SPAG16: variants seen among roughly 807,000 people sequenced by gnomAD.
SPAG16 encodes sperm-associated antigen 16 protein.
A neutral mutation model predicts 80.4 loss-of-function variants in SPAG16; 86 were observed. The ratio of observed to expected loss-of-function variants is 1.07; its 90% CI spans 0.90 to 1.28. The LOEUF (loss-of-function observed/expected upper bound fraction) is 1.28, where lower values mean the gene tolerates loss of function less well. SPAG16 is among the 50% of genes most tolerant of loss of function. SPAG16 has a pLI of 0.00. For missense variants in SPAG16, 870 were observed against 765.3 expected (o/e 1.14, Z -1.61); for synonymous variants, 294 against 265.9 (o/e 1.11, Z -1.03).
intron 9 of SPAG16, among the ~76,000 whole-genome samples, chr2:213,451,134 G>GTCTA (rs767390016): frequency 6.6e-6 from 1 of 152,080 alleles, no homozygotes; most frequent in Non-Finnish European, 1.5e-5. Flanking sequence ...TATCCACATT[G>GTCTA]TGAAGCACTT....
chr2:213,925,206 C>G (rs981293750), intron 11 of SPAG16, among the ~76,000 whole-genome samples: 1 of 152,006 alleles, frequency 6.6e-6, no homozygotes, highest in Middle Eastern at 3.2e-3. Context: ...ACAAATATTT[C>G]TATATACTTA....
intron 15 of SPAG16, among the ~76,000 whole-genome samples, chr2:214,309,723 C>A (rs1695154679): frequency 6.6e-6 from 1 of 152,088 alleles, no homozygotes; most frequent in South Asian, 2.1e-4. Context: ...TTCTATTGGG[C>A]CCCAACTTTG....
intron 6 of SPAG16, among the ~76,000 whole-genome samples, chr2:213,344,650 A>G (rs1250659985): frequency 1.3e-5 from 2 of 151,854 alleles, no homozygotes; most frequent in East Asian, 3.9e-4. Flanking sequence ...TGTCCTTGCA[A>G]TAGTTTGCTG....
chr2:213,687,437 G>A (rs1574814211), intron 10 of SPAG16, among the ~76,000 whole-genome samples: 1 of 152,116 alleles, frequency 6.6e-6, no homozygotes, highest in African/African-American at 2.4e-5. Flanking sequence ...GACATTTCTT[G>A]TAGTGTGGGG....
chr2:213,431,838 C>A lies in SPAG16; in HGVS notation c.942+56719C>A, dbSNP rs143394221. The stretch of plus-strand genomic sequence containing the variant: ...GCATGCAGCATTCTCCAAGATAGAC[C>A]ATATGTTAGGCCACAAAACAAGTCT... On this transcript the variant is annotated intron_variant, in intron 9 of 15. Transcript: ENST00000331683. Among the ~76,000 whole-genome samples, 82 of 151,924 alleles carry A rather than the reference C, an allele frequency of 5.4e-4. No individual in the cohort carries two copies. In the East Asian group the frequency reaches 0.016, roughly 29 times the overall value.
At chr2:213,307,857 G>C (rs1191979696) in intron 3 of SPAG16, among the ~76,000 whole-genome samples, 1 of 152,084 alleles carries the variant, frequency 6.6e-6, no homozygotes, top group Non-Finnish European at 1.5e-5. Flanking sequence ...GTTGTTTCCT[G>C]ACTTTTTAAT....
intron 14 of SPAG16, among the ~76,000 whole-genome samples, chr2:214,108,593 G>A (rs2053517519): frequency 6.6e-6 from 1 of 151,928 alleles, no homozygotes. Context: ...AAAAAAATAG[G>A]TGGGCTATAG....
At chr2:213,553,849 A>G (rs1269166899) in intron 10 of SPAG16, among the ~76,000 whole-genome samples, 1 of 152,174 alleles carries the variant, frequency 6.6e-6, no homozygotes, top group East Asian at 1.9e-4. Flanking sequence ...CCTCAGGGCC[A>G]TTTTAACTCT....
chr2:214,351,388 C>G (rs938594783), intron 15 of SPAG16, among the ~76,000 whole-genome samples: 7 of 151,158 alleles, frequency 4.6e-5, no homozygotes, highest in African/African-American at 1.7e-4. Context: ...GTCTGTGTGT[C>G]TGTGTGTGTG....
chr2:214,278,162 A>C (rs1692618309), intron 15 of SPAG16, among the ~76,000 whole-genome samples: 3 of 151,984 alleles, frequency 2.0e-5, no homozygotes, highest in South Asian at 2.1e-4. Context: ...GTTTGCTAAG[A>C]CGGTTGGAAA....
intron 12 of SPAG16, among the ~76,000 whole-genome samples, chr2:213,965,496 C>T (rs1283395348): frequency 6.6e-6 from 1 of 152,164 alleles, no homozygotes; most frequent in Non-Finnish European, 1.5e-5. Context: ...ACAGTTTGCT[C>T]CAATTAACAT....
chr2:213,843,580 G>C (rs895003627), intron 10 of SPAG16, among the ~76,000 whole-genome samples: 1 of 152,210 alleles, frequency 6.6e-6, no homozygotes, highest in Non-Finnish European at 1.5e-5. Flanking sequence ...GCCGGGCGAG[G>C]TGGCTCATGC....
intron 10 of SPAG16, among the ~76,000 whole-genome samples, chr2:213,505,502 C>T (rs6435778): frequency 0.21 from 31,583 of 151,884 alleles, 4,056 homozygotes; most frequent in Middle Eastern, 0.33. Context: ...TATTTTAAAA[C>T]ATAAGTTAGT....
intron 10 of SPAG16, among the ~76,000 whole-genome samples, chr2:213,549,295 T>C (rs1172765664): frequency 6.6e-6 from 1 of 152,122 alleles, no homozygotes; most frequent in Non-Finnish European, 1.5e-5. Flanking sequence ...TTCTCTAAAA[T>C]ATTAAATTAC....
intron 12 of SPAG16, among the ~76,000 whole-genome samples, chr2:213,980,868 C>T (rs1224281904): frequency 1.3e-5 from 2 of 150,628 alleles, no homozygotes; most frequent in African/African-American, 2.4e-5. Flanking sequence ...GAGATCACAC[C>T]ACTGCACTAC....
intron 10 of SPAG16, among the ~76,000 whole-genome samples, chr2:213,764,518 AT>A (rs970079462): frequency 3.9e-5 from 6 of 152,080 alleles, no homozygotes; most frequent in Admixed American, 6.5e-5. Flanking sequence ...TATTCCACAT[AT>A]TTTTTTTAAA....
At chr2:213,681,956 G>T in intron 10 of SPAG16, among the ~76,000 whole-genome samples, 1 of 151,990 alleles carries the variant, frequency 6.6e-6, no homozygotes, top group East Asian at 1.9e-4. Flanking sequence ...CCAGATCCAG[G>T]CTCCTTTCCC....
chr2:213,577,561 T>TA (rs1444831917), intron 10 of SPAG16, among the ~76,000 whole-genome samples: 2 of 152,184 alleles, frequency 1.3e-5, no homozygotes, highest in East Asian at 1.9e-4. Flanking sequence ...CTGGGGCTTC[T>TA]AAAAAATAGA....
At chr2:213,782,569 G>A (rs1340601054) in intron 10 of SPAG16, among the ~76,000 whole-genome samples, 1 of 152,168 alleles carries the variant, frequency 6.6e-6, no homozygotes, top group African/African-American at 2.4e-5. Context: ...ATCGAGGTAG[G>A]TGGAACTGAA....
Sources: allele counts gnomAD v4.1 joint callset (sites outside exome capture counted in the v4.1 genomes callset), GRCh38; gene constraint gnomAD v4.1.1; transcripts MANE v1.5; gene names NCBI Gene and HGNC (gene_info 2026-07-23, HGNC 2026-07-21).